Variants in GUCY1A2 observed in about 807,000 individuals in gnomAD.
GUCY1A2 encodes guanylate cyclase soluble subunit alpha-2.
Under a neutral mutation model 63.5 loss-of-function variants are expected in GUCY1A2, and 27 were observed. That is an observed-to-expected ratio of 0.43 (90% confidence interval 0.31 to 0.59). GUCY1A2 has a LOEUF of 0.59. Ranked by LOEUF, GUCY1A2 falls within the 20% of genes least tolerant of loss-of-function variation. The pLI is 0.11. For missense variants in GUCY1A2, 768 were observed against 913.3 expected (o/e 0.84, Z 2.05); for synonymous variants, 364 against 343.5 (o/e 1.06, Z -0.66).
chr11:107,013,728 T>G (rs1861779933), intron 1 of GUCY1A2, among the ~76,000 whole-genome samples: 1 of 152,090 alleles, frequency 6.6e-6, no homozygotes, highest in South Asian at 2.1e-4. Context: ...GAGGGTTATT[T>G]TTATTATTAT....
Position 106,989,259 on chromosome 11 carries a change from G to A in GUCY1A2, c.304-3128C>T, listed in dbSNP as rs371929802. On this transcript the variant is annotated intron_variant, in intron 1 of 7. Coordinates refer to ENST00000526355, the MANE Select transcript of GUCY1A2 (RefSeq NM_000855.3). ...AGAAAAGAGGTTTTAAAGTCAAACT[G>A]AATTCAAAAGCAAGTTCTATGACTC... is the stretch of plus-strand genomic sequence containing the variant. 5.3e-4 allele frequency among the ~76,000 whole-genome samples: 81 copies of A among 152,282 alleles called. 2 individuals are homozygous for A. The South Asian group carries it at 0.017, about 32-fold the overall frequency.
intron 4 of GUCY1A2, among the ~76,000 whole-genome samples, chr11:106,896,915 C>G (rs1289537102): frequency 1.3e-5 from 2 of 152,150 alleles, no homozygotes; most frequent in African/African-American, 2.4e-5. Context: ...AAAACTGTCT[C>G]TGTTCAGAGA....
chr11:106,788,612 C>T (rs929691952), intron 5 of GUCY1A2, among the ~76,000 whole-genome samples: 1 of 152,006 alleles, frequency 6.6e-6, no homozygotes, highest in Non-Finnish European at 1.5e-5. Context: ...TCCAGTTTTC[C>T]CAGCATATGC....
chr11:106,956,375 T>C (rs1039583064), intron 3 of GUCY1A2, among the ~76,000 whole-genome samples: 1 of 152,118 alleles, frequency 6.6e-6, no homozygotes, highest in Non-Finnish European at 1.5e-5. Flanking sequence ...GTTTACAGCA[T>C]TTTTTCATTG....
intron 4 of GUCY1A2, among the ~76,000 whole-genome samples, chr11:106,883,054 AATT>A (rs1218823752): frequency 1.3e-5 from 2 of 152,106 alleles, no homozygotes; most frequent in Non-Finnish European, 2.9e-5. Context: ...GAGAAATAAA[AATT>A]ATATTTGCCT....
At chr11:106,734,355 A>G (rs954651213) in intron 6 of GUCY1A2, among the ~76,000 whole-genome samples, 8 of 152,132 alleles carry the variant, frequency 5.3e-5, no homozygotes, top group African/African-American at 1.9e-4. Context: ...CCTTGGCCTA[A>G]GGATATATAA....
chr11:106,738,057 G>A (rs140791156), intron 6 of GUCY1A2, among the ~76,000 whole-genome samples: 1 of 152,128 alleles, frequency 6.6e-6, no homozygotes, highest in African/African-American at 2.4e-5. Context: ...TCCAGCAACT[G>A]TTGTTTCCTG....
At chr11:106,989,568 G>C (rs1015373387) in intron 1 of GUCY1A2, among the ~76,000 whole-genome samples, 2 of 152,052 alleles carry the variant, frequency 1.3e-5, no homozygotes, top group South Asian at 4.1e-4. Flanking sequence ...CTACCCTCAG[G>C]AGTCTCATAA....
At chr11:106,705,188 A>ATAT (rs1232667474) in intron 7 of GUCY1A2, among the ~76,000 whole-genome samples, 1 of 152,154 alleles carries the variant, frequency 6.6e-6, no homozygotes, top group Non-Finnish European at 1.5e-5. Flanking sequence ...TATGTATGAA[A>ATAT]TATTAAAATA....
At chr11:106,819,587 G>GT (rs761154077) in intron 4 of GUCY1A2, among the ~76,000 whole-genome samples, 30 of 151,564 alleles carry the variant, frequency 2.0e-4, no homozygotes, top group Middle Eastern at 3.4e-3. Flanking sequence ...TAGCAATAAA[G>GT]TTTTTTTTTA....
chr11:106,788,785 C>G (rs113148390), intron 5 of GUCY1A2, among the ~76,000 whole-genome samples: 1 of 152,050 alleles, frequency 6.6e-6, no homozygotes, highest in African/African-American at 2.4e-5. Context: ...GCCAGTACCA[C>G]GTTATTTTGG....
intron 6 of GUCY1A2, among the ~76,000 whole-genome samples, chr11:106,716,061 G>A (rs180739229): frequency 7.9e-5 from 12 of 152,284 alleles, no homozygotes; most frequent in Admixed American, 3.9e-4. Flanking sequence ...TGTAGTCAGA[G>A]GGGTGGGAGG....
rs557776497 is a variant in GUCY1A2, at chr11:106,883,606, T to C, written c.1206+55854A>G. On this transcript the variant is annotated intron_variant, in intron 4 of 7. Transcript: ENST00000526355. Reference sequence around the variant, plus strand: ...AAGGCTTCTCTGAACAAATGATAATTACATTTAGGTCTAATTTAAATCTAA... The same window carrying C: ...AAGGCTTCTCTGAACAAATGATAATCACATTTAGGTCTAATTTAAATCTAA... Among the ~76,000 whole-genome samples, 14 of 152,260 alleles carry C rather than the reference T, an allele frequency of 9.2e-5. No homozygotes were observed. In the East Asian group the frequency reaches 2.7e-3, roughly 29 times the overall value.
intron 2 of GUCY1A2, among the ~76,000 whole-genome samples, chr11:106,979,702 G>C (rs781015274): frequency 1.3e-5 from 2 of 152,040 alleles, no homozygotes; most frequent in African/African-American, 2.4e-5. Flanking sequence ...CTCTGAATGA[G>C]AGCTAAGACA....
At chr11:106,696,984 T>A (rs1862732082) in intron 7 of GUCY1A2, among the ~76,000 whole-genome samples, 1 of 152,188 alleles carries the variant, frequency 6.6e-6, no homozygotes, top group African/African-American at 2.4e-5. Context: ...CTTAATTTCC[T>A]TGTGGAAAAA....
chr11:106,915,514 T>TTGATTTATCATCTTCTGGG (rs1319449167), intron 4 of GUCY1A2, among the ~76,000 whole-genome samples: 3 of 147,150 alleles, frequency 2.0e-5, no homozygotes, highest in South Asian at 2.3e-4. Context: ...ACTGACAGTC[T>TTGATTTATCATCTTCTGGG]ATCAGCAGGA....
chr11:106,999,700 G>C (rs760024176), intron 1 of GUCY1A2, among the ~76,000 whole-genome samples: 2 of 152,004 alleles, frequency 1.3e-5, no homozygotes, highest in Middle Eastern at 3.2e-3. Context: ...TGTTTCTTGG[G>C]GTAACTTGTA....
intron 4 of GUCY1A2, among the ~76,000 whole-genome samples, chr11:106,846,191 T>C (rs935865612): frequency 1.4e-5 from 2 of 147,012 alleles, no homozygotes; most frequent in African/African-American, 5.0e-5. Flanking sequence ...TTGAGAAAAT[T>C]GGGAAAATGT....
intron 3 of GUCY1A2, among the ~76,000 whole-genome samples, chr11:106,970,474 G>A (rs547622932): frequency 4.6e-5 from 7 of 152,144 alleles, no homozygotes; most frequent in African/African-American, 1.7e-4. Flanking sequence ...AATTATAATT[G>A]GTATATGCAG....
Sources: allele counts gnomAD v4.1 joint callset (sites outside exome capture counted in the v4.1 genomes callset), GRCh38; gene constraint gnomAD v4.1.1; transcripts MANE v1.5; gene names NCBI Gene and HGNC (gene_info 2026-07-23, HGNC 2026-07-21).